The following DLGAP1 variants were observed in gnomAD, a reference collection of about 807,000 sequenced individuals.
The protein encoded by DLGAP1 is DLG associated protein 1, also known as disks large-associated protein 1.
DLGAP1 carries 11 observed loss-of-function variants against 90.8 expected under a neutral mutation model. That is an observed-to-expected ratio of 0.12 (90% CI 0.08 to 0.20). The LOEUF (loss-of-function observed/expected upper bound fraction) is 0.20, where lower values mean the gene tolerates loss of function less well. DLGAP1 is among the 10% of genes least tolerant of loss of function. The probability of loss-of-function intolerance (pLI) is 1.00; values close to 1 mark genes in which losing one functional copy is unlikely to be tolerated. For synonymous variants in DLGAP1, 558 were observed against 540.7 expected (o/e 1.03, Z -0.44); for missense variants, 1,050 against 1,333.8 (o/e 0.79, Z 3.31).
At chr18:3,844,734 G>A (rs2068911263) in intron 4 of DLGAP1, among the ~76,000 whole-genome samples, 1 of 152,140 alleles carries the variant, frequency 6.6e-6, no homozygotes, top group East Asian at 1.9e-4. Context: ...AATAATTTTA[G>A]CAATTGAAAA....
At chr18:4,059,028 T>C (rs1343039842) in intron 2 of DLGAP1, among the ~76,000 whole-genome samples, 1 of 152,134 alleles carries the variant, frequency 6.6e-6, no homozygotes, top group Non-Finnish European at 1.5e-5. Context: ...CAGATTACCA[T>C]GAGAACAGAG....
rs536983552 is a variant in DLGAP1, at chr18:3,574,199, A to G, written c.1966-6618T>C. 2.6e-5 allele frequency among the ~76,000 whole-genome samples: 4 copies of G among 152,236 alleles called. No individual in the cohort carries two copies. The East Asian group carries it at 7.7e-4, about 29-fold the overall frequency. On this transcript the variant is annotated intron_variant, in intron 8 of 12. Transcript: ENST00000315677. ...CTCTCTCAATCAGACTTGTCTATTT[A>G]TTTAGTATTTTCAAATAACCAATTT...
At chr18:4,246,045 C>T (rs1209980968) in intron 1 of DLGAP1, among the ~76,000 whole-genome samples, 4 of 152,144 alleles carry the variant, frequency 2.6e-5, no homozygotes, top group African/African-American at 9.7e-5. Flanking sequence ...ACAAACCTTC[C>T]CTATACGTCT....
intron 2 of DLGAP1, among the ~76,000 whole-genome samples, chr18:4,040,169 C>G (rs553340780): frequency 6.6e-6 from 1 of 152,158 alleles, no homozygotes; most frequent in Non-Finnish European, 1.5e-5. Flanking sequence ...ACCACTCATC[C>G]GCTGTGTGAT....
chr18:3,704,630 T>C (rs2061379201), intron 7 of DLGAP1, among the ~76,000 whole-genome samples: 1 of 151,764 alleles, frequency 6.6e-6, no homozygotes, highest in Non-Finnish European at 1.5e-5. Context: ...GAAATGGTCA[T>C]TTTGGGGGTC....
At chr18:3,629,473 C>T (rs1276606411) in intron 7 of DLGAP1, among the ~76,000 whole-genome samples, 2 of 152,024 alleles carry the variant, frequency 1.3e-5, no homozygotes, top group African/African-American at 4.8e-5. Context: ...AGATCGAGAC[C>T]ATCCTGGCTA....
chr18:4,192,640 G>A (rs982450739), intron 1 of DLGAP1, among the ~76,000 whole-genome samples: 6 of 152,248 alleles, frequency 3.9e-5, no homozygotes, highest in Middle Eastern at 3.4e-3. Flanking sequence ...CCCTGAGAGG[G>A]ATTAACATTA....
At chr18:3,538,398 GA>G (rs569111464) in intron 9 of DLGAP1, among the ~76,000 whole-genome samples, 49 of 147,116 alleles carry the variant, frequency 3.3e-4, no homozygotes, top group East Asian at 7.9e-4. Context: ...GAAAGAAAAA[GA>G]AAAAAAAAAT....
intron 1 of DLGAP1, among the ~76,000 whole-genome samples, chr18:4,410,112 C>A (rs368831521): frequency 6.6e-6 from 1 of 152,056 alleles, no homozygotes; most frequent in African/African-American, 2.4e-5. Context: ...GCTATGAGGA[C>A]ACAAAGGCAT....
At chr18:3,861,372 GA>G (rs2070044189) in intron 4 of DLGAP1, among the ~76,000 whole-genome samples, 2 of 152,108 alleles carry the variant, frequency 1.3e-5, no homozygotes, top group South Asian at 4.1e-4. Flanking sequence ...TGCTTTTAAG[GA>G]AAAAGCATAT....
intron 4 of DLGAP1, among the ~76,000 whole-genome samples, chr18:3,863,262 T>C (rs939353356): frequency 2.6e-5 from 4 of 152,196 alleles, no homozygotes; most frequent in African/African-American, 9.7e-5. Context: ...AAAGGAACCC[T>C]AGGGCTCATT....
intron 5 of DLGAP1, among the ~76,000 whole-genome samples, chr18:3,758,888 T>G (rs929468430): frequency 1.3e-5 from 2 of 152,204 alleles, no homozygotes; most frequent in African/African-American, 4.8e-5. Flanking sequence ...ACAGTTTTCC[T>G]TAAACATTAA....
chr18:4,330,959 G>A (rs1283583763), intron 1 of DLGAP1, among the ~76,000 whole-genome samples: 1 of 150,766 alleles, frequency 6.6e-6, no homozygotes, highest in African/African-American at 2.4e-5. Flanking sequence ...TGTAGTTGTG[G>A]ACTTGTCTCT....
intron 7 of DLGAP1, chr18:3,597,714 G>A: frequency 1.3e-5 from 2 of 158,794 alleles, no homozygotes; most frequent in Non-Finnish European, 1.4e-5. Context: ...CACAAGGCCG[G>A]CTCAAACCTC....
intron 7 of DLGAP1, chr18:3,597,191 C>T (rs1485708922): frequency 1.9e-6 from 1 of 519,330 alleles, no homozygotes; most frequent in Non-Finnish European, 3.9e-6. Flanking sequence ...TATCTGAGAG[C>T]CAGCGAACTT....
intron 1 of DLGAP1, among the ~76,000 whole-genome samples, chr18:4,439,147 A>G (rs528473595): frequency 2.0e-5 from 3 of 152,308 alleles, no homozygotes; most frequent in Middle Eastern, 3.4e-3. Flanking sequence ...GTGGCCTCTC[A>G]GCATCCTGCT....
chr18:3,611,251 C>G (rs1028095708), intron 7 of DLGAP1, among the ~76,000 whole-genome samples: 1 of 152,098 alleles, frequency 6.6e-6, no homozygotes, highest in African/African-American at 2.4e-5. Flanking sequence ...CCCTGATCAC[C>G]CAGCTTACAG....
chr18:3,999,173 T>C (rs1173329013), intron 3 of DLGAP1, among the ~76,000 whole-genome samples: 1 of 152,090 alleles, frequency 6.6e-6, no homozygotes, highest in Non-Finnish European at 1.5e-5. Flanking sequence ...TTGTATATAA[T>C]TTGTATACAA....
chr18:3,783,844 C>T (rs1222384289), intron 5 of DLGAP1, among the ~76,000 whole-genome samples: 1 of 152,172 alleles, frequency 6.6e-6, no homozygotes, highest in Non-Finnish European at 1.5e-5. Context: ...GAATATAAGG[C>T]TTTTCCCTTT....
Sources: allele counts gnomAD v4.1 joint callset (sites outside exome capture counted in the v4.1 genomes callset), GRCh38; gene constraint gnomAD v4.1.1; transcripts MANE v1.5; gene names NCBI Gene and HGNC (gene_info 2026-07-23, HGNC 2026-07-21).